Variants in EPS15L1 observed in about 807,000 individuals in gnomAD.
The protein encoded by EPS15L1 is epidermal growth factor receptor substrate 15-like 1.
EPS15L1 carries 43 observed loss-of-function variants against 117.1 expected under a neutral mutation model. The ratio of observed to expected loss-of-function variants is 0.37; its 90% CI spans 0.29 to 0.47. The LOEUF (loss-of-function observed/expected upper bound fraction) is 0.47. Among genes scored for constraint, EPS15L1 ranks in the 20% least tolerant of loss-of-function variants. The pLI is 0.99. For synonymous variants in EPS15L1, 459 were observed against 470.5 expected, an observed-to-expected ratio of 0.98 and a Z score of 0.32; for missense variants, 981 against 1,164.0, an observed-to-expected ratio of 0.84 and a Z score of 2.29.
At position 16,405,097 on chromosome 19, in the gene EPS15L1, A is replaced by C. The variant is rs1362284756; in HGVS notation, c.1267-348T>G. ...ATCACCCAAACGCAAATAAACGTGG[A>C]CAAGTGGCACCAAGGGGGTCACAGG... On this transcript the variant is annotated intron_variant, in intron 13 of 23. Transcript: ENST00000455140. This position sits in a 1 kb window ranked among gnomAD's most constrained non-coding sequence, Gnocchi z 4.0. 2.6e-5 allele frequency among the ~76,000 whole-genome samples: 4 copies of C among 152,236 alleles called. No homozygotes were observed. The highest frequency in any genetic ancestry group is 4.1e-4 in the South Asian group (2 of 4,832).
chr19:16,358,283 T>C (rs1207901242), intron 23 of EPS15L1: 3 of 152,918 alleles, frequency 2.0e-5, no homozygotes, highest in Non-Finnish European at 2.9e-5. Context: ...GAGACTTGCA[T>C]TGGTGAGGTC....
chr19:16,388,570 G>A (rs1424351211), intron 19 of EPS15L1, among the ~76,000 whole-genome samples: 2 of 152,296 alleles, frequency 1.3e-5, no homozygotes, highest in East Asian at 3.9e-4. Context: ...GCTCACGCCT[G>A]TAATCCCAGC....
chr19:16,408,302 C>T (rs2092676047), intron 13 of EPS15L1, among the ~76,000 whole-genome samples: 1 of 152,080 alleles, frequency 6.6e-6, no homozygotes, highest in South Asian at 2.1e-4. Context: ...CAGCTGGCTT[C>T]TTTGCAGAAA....
chr19:16,377,687 ACT>A (rs1351077630), intron 21 of EPS15L1, among the ~76,000 whole-genome samples: 1 of 152,088 alleles, frequency 6.6e-6, no homozygotes, highest in African/African-American at 2.4e-5. Flanking sequence ...CCGCCTCCCC[ACT>A]GAGCTGGCCG....
chr19:16,452,385 G>A (rs1232444095), intron 1 of EPS15L1, among the ~76,000 whole-genome samples: 1 of 151,608 alleles, frequency 6.6e-6, no homozygotes, highest in African/African-American at 2.4e-5. Flanking sequence ...GGCAGAGTTT[G>A]CAGCGAGCTG....
In EPS15L1 at chr19:16,379,548, C is replaced by T. The variant is rs189988452; in HGVS notation, c.2248-2294G>A. 3.9e-5 allele frequency among the ~76,000 whole-genome samples: 6 copies of T among 152,368 alleles called. 1 individual carries two copies. In the East Asian group the frequency reaches 1.2e-3, roughly 29 times the overall value. On this transcript the variant is annotated intron_variant, in intron 21 of 23. Transcript: ENST00000455140. ...TCTACCACCACGTCCAGCAGACAGT[C>T]TTAGAGGTATGGCTGCCTCTGCCTC...
At chr19:16,372,676 G>C (rs1405105532) in intron 22 of EPS15L1, among the ~76,000 whole-genome samples, 1 of 152,232 alleles carries the variant, frequency 6.6e-6, no homozygotes, top group Non-Finnish European at 1.5e-5. Flanking sequence ...CTGCGTCCCG[G>C]TCCCTGTGCC....
In EPS15L1 at chr19:16,385,138, C is replaced by T. The variant is rs758224468; in HGVS notation, c.2238G>A (p.Gln746=). Residue 746 remains glutamine (Q), a synonymous_variant, in exon 21 of 24, where the codon CAG becomes CAA. Coordinates refer to ENST00000455140, the MANE Select transcript of EPS15L1 (RefSeq NM_001258374.3). ...CGTGGAGGGGCTTTACCTTGGACAT[C>T]TGGCTGAAGTCGGCAAAGCCTTCAG... ...NSAEGFADFS[Q]MSKPPPSGPF... 6.8e-6 allele frequency: 11 copies of T among 1,614,090 alleles called. No homozygotes were observed. Among genetic ancestry groups the T allele is most frequent in the Non-Finnish European group, 9.3e-6 (11 of 1,179,972 alleles).
At chr19:16,394,810 G>A (rs1447331388) in intron 17 of EPS15L1, among the ~76,000 whole-genome samples, 1 of 152,188 alleles carries the variant, frequency 6.6e-6, no homozygotes, top group African/African-American at 2.4e-5. Flanking sequence ...GTACTGAAGG[G>A]TTCAAGGGGG....
intron 6 of EPS15L1, chr19:16,434,724 G>C (rs1353623593): frequency 2.4e-6 from 1 of 418,814 alleles, no homozygotes; most frequent in South Asian, 3.0e-5. Flanking sequence ...CCTCAGGAGG[G>C]AGGCCCTGGC....
intron 7 of EPS15L1, among the ~76,000 whole-genome samples, chr19:16,431,745 T>C (rs1180522422): frequency 1.3e-5 from 2 of 151,906 alleles, no homozygotes; most frequent in Non-Finnish European, 2.9e-5. Context: ...GTGATGGATA[T>C]GCTAATTACC....
intron 8 of EPS15L1, among the ~76,000 whole-genome samples, chr19:16,426,452 G>A (rs2092873502): frequency 6.6e-6 from 1 of 152,162 alleles, no homozygotes; most frequent in Non-Finnish European, 1.5e-5. Context: ...TGGCCAACAG[G>A]GAGAAACCGC....
intron 1 of EPS15L1, among the ~76,000 whole-genome samples, chr19:16,450,075 C>T (rs1249583990): frequency 6.7e-6 from 1 of 149,952 alleles, no homozygotes; most frequent in Non-Finnish European, 1.5e-5. Flanking sequence ...TCAACAAGAC[C>T]CTATCTCTAC....
intron 22 of EPS15L1, among the ~76,000 whole-genome samples, chr19:16,372,487 G>A (rs754535715): frequency 2.6e-5 from 4 of 152,192 alleles, no homozygotes; most frequent in Non-Finnish European, 5.9e-5. Flanking sequence ...GACCCACAGA[G>A]GACGCTGGAG....
In EPS15L1 at chr19:16,370,769, G is replaced by A. The variant is rs568707068; in HGVS notation, c.2380+6353C>T. On this transcript the variant is annotated intron_variant, in intron 22 of 23. Transcript: ENST00000455140. The surrounding 1 kb of genome is among the most constrained non-coding windows in gnomAD (Gnocchi z 5.2). Reference sequence around the variant, plus strand: ...CAGAGTGGGACCGTTCCTTGGCACCGTCAGCAGGTCCCACCCAGCCCTAAG... The same window carrying A: ...CAGAGTGGGACCGTTCCTTGGCACCATCAGCAGGTCCCACCCAGCCCTAAG... Among the ~76,000 whole-genome samples, 9 of 152,338 alleles carry A rather than the reference G, an allele frequency of 5.9e-5. No homozygotes were observed. The South Asian group carries it at 1.0e-3, about 18-fold the overall frequency.
rs140810818 is a variant in EPS15L1 at position 16,441,955 on chromosome 19, C to T, written c.102G>A (p.Val34=). Residue 34 remains valine, a synonymous_variant, in exon 3 of 24, where the codon GTG becomes GTA. Coordinates refer to ENST00000455140, the MANE Select transcript of EPS15L1 (RefSeq NM_001258374.3). ...KQVDPAYTGR[V]GASEAALFLK... is the part of the protein sequence containing the mutation. ...GAAAAAGCGCAGCTTCACTCGCCCC[C>T]ACCCTCCCTGTGTATGCCGGATCGA... is the stretch of plus-strand genomic sequence containing the variant. The T allele has an allele frequency of 5.5e-5, 88 of 1,614,056 alleles. No homozygotes were observed. The African/African-American group carries it at 7.1e-4, about 13-fold the overall frequency.
intron 4 of EPS15L1, among the ~76,000 whole-genome samples, chr19:16,438,824 T>C (rs2093001175): frequency 6.6e-6 from 1 of 152,098 alleles, no homozygotes; most frequent in Non-Finnish European, 1.5e-5. Context: ...CCTGGCTATG[T>C]GTTGAATTTT....
At chr19:16,425,354 G>T (rs367639509) in intron 8 of EPS15L1, 38 bp from the exon 9 acceptor site, 180 of 1,434,648 alleles carry the variant, frequency 1.3e-4, no homozygotes, top group Non-Finnish European at 1.7e-4. Flanking sequence ...AAGGGGCAAG[G>T]CTGGGGCCGG....
Position 16,408,050 on chromosome 19 carries a change from T to C in EPS15L1, c.1267-3301A>G, listed in dbSNP as rs543265824. On this transcript the variant is annotated intron_variant, in intron 13 of 23. Transcript: ENST00000455140. ...GGGTGGCCACATCTAAGGGGAGTGATGGATAAGGGAAGGGAAGATGGGAAG... is the reference window on the plus strand; with the variant it reads ...GGGTGGCCACATCTAAGGGGAGTGACGGATAAGGGAAGGGAAGATGGGAAG... Among the ~76,000 whole-genome samples the C allele has an allele frequency of 2.0e-5, 3 of 152,080 alleles. No homozygotes were observed. The South Asian group carries it at 6.2e-4, about 32-fold the overall frequency.
Sources: gnomAD v4.1 joint callset for allele counts (sites outside exome capture counted in the v4.1 genomes callset) on GRCh38, gnomAD v4.1.1 for gene constraint, Gnocchi (gnomAD v3.1) non-coding constraint, MANE v1.5 for transcripts, NCBI Gene and HGNC (gene_info 2026-07-23, HGNC 2026-07-21) for gene names.